The following ZNF611 variants were observed in gnomAD, a reference collection of about 807,000 sequenced individuals.
ZNF611 encodes the protein zinc finger protein 611.
ZNF611 carries 6 observed loss-of-function variants against 8.9 expected under a neutral mutation model. The observed-to-expected ratio is 0.68, with a 90% confidence interval of 0.37 to 1.34. ZNF611 has a LOEUF of 1.34. Ranked by LOEUF, ZNF611 falls within the 40% of genes most tolerant of loss-of-function variation. The pLI, the probability that ZNF611 is intolerant of heterozygous loss-of-function variation, is 0.02. For missense variants in ZNF611, 874 were observed against 841.3 expected, an observed-to-expected ratio of 1.04 and a Z score of -0.48; for synonymous variants, 262 against 279.7, an observed-to-expected ratio of 0.94 and a Z score of 0.63.
rs957368695 is a variant in ZNF611 at position 52,704,711 on chromosome 19, T to C, written c.*226A>G. The C allele has an allele frequency of 1.1e-5, 17 of 1,597,846 alleles. No homozygotes were observed. Among genetic ancestry groups the C allele is most frequent in the African/African-American group, 2.7e-5 (2 of 74,628 alleles). On this transcript the variant is annotated 3_prime_UTR_variant, in exon 6 of 6. Transcript: ENST00000652185. ...TAGTCAAGTTTCCCTACACCATGAATTGCCTGATGGTGAATAAGTGTTGAC... is the reference window on the plus strand; with the variant it reads ...TAGTCAAGTTTCCCTACACCATGAACTGCCTGATGGTGAATAAGTGTTGAC...
intron 3 of ZNF611, among the ~76,000 whole-genome samples, chr19:52,717,962 C>T (rs60459947): frequency 0.059 from 8,942 of 152,168 alleles, 845 homozygotes; most frequent in African/African-American, 0.2. Context: ...TGAACACAAT[C>T]TCATAGAGAA....
At chr19:52,714,413 C>T (rs970178155) in intron 4 of ZNF611, among the ~76,000 whole-genome samples, 3 of 151,962 alleles carry the variant, frequency 2.0e-5, no homozygotes, top group Non-Finnish European at 4.4e-5. Flanking sequence ...CAGGGCCAGG[C>T]ATGGCAGTTC....
intron 2 of ZNF611, among the ~76,000 whole-genome samples, chr19:52,729,513 A>G (rs1013206730): frequency 1.3e-5 from 2 of 149,026 alleles, no homozygotes; most frequent in African/African-American, 2.5e-5. Flanking sequence ...AAAAAAAAAA[A>G]AAAAAGAAAA....
intron 3 of ZNF611, among the ~76,000 whole-genome samples, chr19:52,720,275 G>A (rs9676492): frequency 0.32 from 48,923 of 151,274 alleles, 8,054 homozygotes; most frequent in East Asian, 0.37. Context: ...TTCTCAATAA[G>A]CTGTTGGGTA....
intron 3 of ZNF611, chr19:52,721,162 T>C (rs187975705): frequency 0.015 from 2,302 of 150,204 alleles, 23 homozygotes; most frequent in Middle Eastern, 0.024. Flanking sequence ...CTAGATGGGA[T>C]GGCGGCCGTG....
rs2062242941 is a variant in ZNF611 at position 52,706,189 on chromosome 19, C to T, written c.866G>A (p.Cys289Tyr). 1 of 1,614,186 alleles carries T rather than the reference C, an allele frequency of 6.2e-7. No individual in the cohort carries two copies. The highest frequency in any genetic ancestry group is 8.5e-7 in the Non-Finnish European group (1 of 1,180,012). The change falls in exon 6 of 6, where the codon TGT becomes TAT. Residue 289 changes from cysteine to tyrosine, a missense_variant. Transcript: ENST00000652185. ...ACTGAAGGTCTTGCCACACTCTTTA[C>T]ACTTGTAAGGTTTCTCAACAGTGTG... is the stretch of plus-strand genomic sequence containing the variant. The part of the protein sequence containing the change: ...RCHTVEKPYK[C>Y]KECGKTFSQE...
chr19:52,710,351 T>A (rs2062271913), intron 5 of ZNF611, among the ~76,000 whole-genome samples: 1 of 151,492 alleles, frequency 6.6e-6, no homozygotes, highest in Non-Finnish European at 1.5e-5. Flanking sequence ...TGTCTCAGCC[T>A]CACGAGAAGC....
At chr19:52,723,850 G>A (rs1303084546) in intron 3 of ZNF611, 1 of 152,194 alleles carries the variant, frequency 6.6e-6, no homozygotes, top group African/African-American at 2.4e-5. Flanking sequence ...TCATAAATAA[G>A]TTTAAGGAAA....
intron 3 of ZNF611, among the ~76,000 whole-genome samples, chr19:52,721,472 G>A (rs7254634): frequency 0.038 from 5,744 of 152,256 alleles, 343 homozygotes; most frequent in African/African-American, 0.13. Flanking sequence ...GGAGGTCAGG[G>A]GTTGGAGACC....
At position 52,704,402 on chromosome 19, in the gene ZNF611, G is replaced by C; in HGVS notation, c.*535C>G. ...CTCTGATGTCTAATGACGTGTGAAC[G>C]TGAAGCAAAGGCTTTGCCACAATCA... On this transcript the variant is annotated 3_prime_UTR_variant, in exon 6 of 6. Transcript: ENST00000652185. 1 of 670,318 alleles carries C rather than the reference G, an allele frequency of 1.5e-6. No homozygotes were observed. Among genetic ancestry groups the C allele is most frequent in the Non-Finnish European group, 2.8e-6 (1 of 352,870 alleles). 41.5% of individuals were successfully genotyped at this position (670,318 alleles called of 1,614,324 possible). A position where few individuals can be genotyped will look rare whatever the true frequency, so the allele number is the denominator to read the frequency against.
At position 52,704,932 on chromosome 19, in the gene ZNF611, C is replaced by A. The variant is rs1221099319; in HGVS notation, c.*5G>T. The stretch of plus-strand genomic sequence containing the variant: ...AATGGAAACTTTGTCACATGCTTCA[C>A]ATTTCTAAGGTTTCTCTCCAGTATG... On this transcript the variant is annotated 3_prime_UTR_variant, in exon 6 of 6. Transcript: ENST00000652185. 1.9e-6 allele frequency: 3 copies of A among 1,613,454 alleles called. No homozygotes were observed. Among genetic ancestry groups the A allele is most frequent in the Non-Finnish European group, 2.5e-6 (3 of 1,179,762 alleles).
chr19:52,717,589 A>C, intron 3 of ZNF611: 1 of 730,158 alleles, frequency 1.4e-6, no homozygotes, highest in Non-Finnish European at 1.7e-6. Flanking sequence ...AACACTGAAA[A>C]AGAGGCAGCT....
At chr19:52,717,353 G>A (rs1206269690) in intron 3 of ZNF611, among the ~76,000 whole-genome samples, 1 of 152,132 alleles carries the variant, frequency 6.6e-6, no homozygotes, top group Non-Finnish European at 1.5e-5. Context: ...CCAGAACAAG[G>A]ACCTAGAAAA....
intron 1 of ZNF611, among the ~76,000 whole-genome samples, chr19:52,732,726 T>G (rs1451768640): frequency 6.6e-6 from 1 of 151,476 alleles, no homozygotes; most frequent in Non-Finnish European, 1.5e-5. Flanking sequence ...AGGAGGATCC[T>G]TTGAGCCCAG....
At chr19:52,734,423 G>T (rs1008746141) in intron 1 of ZNF611, among the ~76,000 whole-genome samples, 1 of 151,990 alleles carries the variant, frequency 6.6e-6, no homozygotes. Context: ...AGAATACCCC[G>T]TGCCGCAGGA....
chr19:52,729,396 G>A (rs2062410873), intron 2 of ZNF611, among the ~76,000 whole-genome samples: 1 of 148,062 alleles, frequency 6.8e-6, no homozygotes, highest in Admixed American at 6.9e-5. Flanking sequence ...AGGAGACTGA[G>A]GCACAAGGAT....
chr19:52,734,420 C>T (rs1600342209), intron 1 of ZNF611, among the ~76,000 whole-genome samples: 2 of 152,210 alleles, frequency 1.3e-5, no homozygotes, highest in African/African-American at 4.8e-5. Context: ...GCAAGAATAC[C>T]CCGTGCCGCA....
Position 52,704,003 on chromosome 19 carries a change from C to A in ZNF611, c.*934G>T. ...CAAAAAAATAATAGAAAATAAGAAACAAAAAACAGGCTGAGAAAAGTGGCT... is the reference window on the plus strand; with the variant it reads ...CAAAAAAATAATAGAAAATAAGAAAAAAAAAACAGGCTGAGAAAAGTGGCT... On this transcript the variant is annotated 3_prime_UTR_variant, in exon 6 of 6. Coordinates refer to ENST00000652185, the MANE Select transcript of ZNF611 (RefSeq NM_001161499.2). 2 of 180,106 alleles carry A rather than the reference C, an allele frequency of 1.1e-5. No individual in the cohort carries two copies. The highest frequency in any genetic ancestry group is 1.6e-4 in the East Asian group (1 of 6,184). The allele number at this position is 180,106 out of a possible 1,614,324, so 11.2% of individuals were successfully genotyped here. A position where few individuals can be genotyped will look rare whatever the true frequency, so the allele number is the denominator to read the frequency against.
At chr19:52,726,588 T>C (rs1470598039) in intron 3 of ZNF611, among the ~76,000 whole-genome samples, 2 of 151,902 alleles carry the variant, frequency 1.3e-5, no homozygotes, top group Non-Finnish European at 2.9e-5. Context: ...CCGGCTACTT[T>C]TTTGTATTTT....
Sources: gnomAD v4.1 joint callset for allele counts (sites outside exome capture counted in the v4.1 genomes callset) on GRCh38, gnomAD v4.1.1 for gene constraint, MANE v1.5 for transcripts, NCBI Gene and HGNC (gene_info 2026-07-23, HGNC 2026-07-21) for gene names.